The following NTNG2 variants were observed in gnomAD, a reference collection of about 807,000 sequenced individuals.
NTNG2 encodes the protein netrin-G2.
A neutral mutation model predicts 47.6 loss-of-function variants in NTNG2; 15 were observed. The observed-to-expected ratio is 0.32, with a 90% confidence interval of 0.21 to 0.49. NTNG2 has a LOEUF of 0.49. Ranked by LOEUF, NTNG2 falls within the 20% of genes least tolerant of loss-of-function variation. The pLI is 0.99. For synonymous variants in NTNG2, 307 were observed against 324.6 expected (o/e 0.95, Z 0.58); for missense variants, 578 against 764.6 (o/e 0.76, Z 2.88).
Position 132,163,770 on chromosome 9 carries a change from G to T in NTNG2, c.-484+1531G>T, listed in dbSNP as rs2131244751. ...CTGCTGGCGAGCCCAGCCAGCTCGG[G>T]AGGCGCTAATTCAATAAGACAGAGA... On this transcript the variant is annotated intron_variant, in intron 1 of 7. Transcript: ENST00000393229. The surrounding 1 kb of genome is among the most constrained non-coding windows in gnomAD (Gnocchi z 7.2). 6.6e-6 allele frequency among the ~76,000 whole-genome samples: 1 copy of T among 152,350 alleles called. No individual in the cohort carries two copies. Among genetic ancestry groups the T allele is most frequent in the Non-Finnish European group, 1.5e-5 (1 of 68,024 alleles).
intron 2 of NTNG2, among the ~76,000 whole-genome samples, chr9:132,192,644 C>T (rs952402880): frequency 6.6e-6 from 1 of 152,072 alleles, no homozygotes; most frequent in East Asian, 1.9e-4. Context: ...GGAAGCAATA[C>T]TGTGTTTGTA....
intron 6 of NTNG2, among the ~76,000 whole-genome samples, chr9:132,239,926 C>T (rs1446318087): frequency 6.6e-6 from 1 of 152,388 alleles, no homozygotes; most frequent in East Asian, 1.9e-4. Context: ...AGTCTGCTTT[C>T]TTCCAAGTTC....
At chr9:132,187,384 G>A (rs870591) in intron 2 of NTNG2, among the ~76,000 whole-genome samples, 15,509 of 152,258 alleles carry the variant, frequency 0.1, 831 homozygotes, top group Middle Eastern at 0.15. Context: ...GCTGATTCAC[G>A]AGCGGGGAGG....
At position 132,215,136 on chromosome 9, in the gene NTNG2, T is replaced by C. The variant is rs1221045902; in HGVS notation, c.858-11713T>C. 6.6e-6 allele frequency among the ~76,000 whole-genome samples: 1 copy of C among 151,626 alleles called. No individual in the cohort carries two copies. The highest frequency in any genetic ancestry group is 2.1e-4 in the South Asian group (1 of 4,804). On this transcript the variant is annotated intron_variant, in intron 3 of 7. Transcript: ENST00000393229. This position sits in a 1 kb window ranked among gnomAD's most constrained non-coding sequence, Gnocchi z 4.2. The stretch of plus-strand genomic sequence containing the variant: ...GTCTCAAACTCCTGTTCTCAGGTAA[T>C]CCTCCTGCCTGGGCCTCCCAGAGTG...
intron 5 of NTNG2, chr9:132,233,877 A>C (rs1394798192): frequency 2.0e-5 from 3 of 152,102 alleles, no homozygotes; most frequent in African/African-American, 7.2e-5. Flanking sequence ...ATTACACCTC[A>C]ATCAAGCTGT....
rs917076215 is a variant in NTNG2 at position 132,180,723 on chromosome 9, G to T, written c.213+13679G>T. On this transcript the variant is annotated intron_variant, in intron 2 of 7. Coordinates refer to ENST00000393229, the MANE Select transcript of NTNG2 (RefSeq NM_032536.4). This position sits in a 1 kb window ranked among gnomAD's most constrained non-coding sequence, Gnocchi z 4.2. Reference sequence around the variant, plus strand: ...GAAAGAGAAAGAACGATAGAGAGATGCAATAACCTCCCAGCATCCAGGAAG... The same window carrying T: ...GAAAGAGAAAGAACGATAGAGAGATTCAATAACCTCCCAGCATCCAGGAAG... Among the ~76,000 whole-genome samples the T allele has an allele frequency of 6.6e-6, 1 of 152,246 alleles. No homozygotes were observed. Among genetic ancestry groups the T allele is most frequent in the Non-Finnish European group, 1.5e-5 (1 of 68,040 alleles).
At chr9:132,184,093 C>G (rs1017179118) in intron 2 of NTNG2, among the ~76,000 whole-genome samples, 2 of 152,234 alleles carry the variant, frequency 1.3e-5, no homozygotes, top group Non-Finnish European at 2.9e-5. Context: ...CACCCACCCC[C>G]AACGACGAGC....
At chr9:132,203,645 G>A (rs1386893839) in intron 3 of NTNG2, among the ~76,000 whole-genome samples, 1 of 152,220 alleles carries the variant, frequency 6.6e-6, no homozygotes, top group East Asian at 1.9e-4. Flanking sequence ...GGCAGCTCAC[G>A]AGCTGCCAGG....
At chr9:132,194,891 G>T (rs1298522369) in intron 2 of NTNG2, among the ~76,000 whole-genome samples, 1 of 152,244 alleles carries the variant, frequency 6.6e-6, no homozygotes, top group East Asian at 1.9e-4. Flanking sequence ...GGTGGGGGCC[G>T]CGGGGCTGTG....
chr9:132,222,958 A>C (rs947256619), intron 3 of NTNG2, among the ~76,000 whole-genome samples: 1 of 152,038 alleles, frequency 6.6e-6, no homozygotes, highest in African/African-American at 2.4e-5. Flanking sequence ...AAAAAATAAA[A>C]ATGAAATTAG....
chr9:132,217,088 C>T (rs1176667317), intron 3 of NTNG2, among the ~76,000 whole-genome samples: 1 of 152,214 alleles, frequency 6.6e-6, no homozygotes, highest in Admixed American at 6.5e-5. Flanking sequence ...GCCAAGCCTG[C>T]TTCTTCCACC....
chr9:132,239,822 T>C (rs935699818), intron 6 of NTNG2, among the ~76,000 whole-genome samples: 1 of 152,202 alleles, frequency 6.6e-6, no homozygotes, highest in African/African-American at 2.4e-5. Context: ...AGATCAAAGG[T>C]TTTCAGCTCT....
chr9:132,216,414 C>CTCTCTCTCTCTCTCTCTCTGTGTG, intron 3 of NTNG2, among the ~76,000 whole-genome samples: 1 of 110,286 alleles, frequency 9.1e-6, no homozygotes, highest in African/African-American at 4.9e-5. Context: ...CTCTCTCTCT[C>CTCTCTCTCTCTCTCTCTCTGTGTG]TGTGTGTGTG....
At chr9:132,178,548 C>G (rs1408123557) in intron 2 of NTNG2, among the ~76,000 whole-genome samples, 1 of 151,982 alleles carries the variant, frequency 6.6e-6, no homozygotes, top group African/African-American at 2.4e-5. Flanking sequence ...GAAAGGGGAC[C>G]CCAGAAGCAG....
chr9:132,164,074 C>T (rs974232451), intron 1 of NTNG2, among the ~76,000 whole-genome samples: 8 of 152,172 alleles, frequency 5.3e-5, no homozygotes, highest in African/African-American at 1.9e-4. Context: ...TCTCTTCCCC[C>T]TTCTCTTTTT....
chr9:132,240,880 G>A, intron 6 of NTNG2, 30 bp from the exon 7 acceptor site: 1 of 1,612,430 alleles, frequency 6.2e-7, no homozygotes, highest in Non-Finnish European at 8.5e-7. Context: ...ACGTAGCCCT[G>A]ACCGCGCGCC....
At chr9:132,187,308 A>C (rs956880316) in intron 2 of NTNG2, among the ~76,000 whole-genome samples, 2 of 152,230 alleles carry the variant, frequency 1.3e-5, no homozygotes, top group Admixed American at 6.5e-5. Flanking sequence ...CTCCAACCAG[A>C]AAACAAAACA....
intron 3 of NTNG2, among the ~76,000 whole-genome samples, chr9:132,202,876 T>C (rs1027727580): frequency 3.3e-4 from 50 of 152,236 alleles, no homozygotes; most frequent in Admixed American, 3.3e-3. Flanking sequence ...AGCTGCTGCA[T>C]CCATGGAGAT....
Position 132,166,634 on chromosome 9 carries a change from T to G in NTNG2, c.-198T>G, listed in dbSNP as rs1835516189. On this transcript the variant is annotated 5_prime_UTR_variant, in exon 2 of 8. Transcript: ENST00000393229. ...TCAGCAGTCTGAGAAACGCTGGCTC[T>G]GAATTTTCCGTGTCGGCCTTTTGGA... 1 of 599,642 alleles carries G rather than the reference T, an allele frequency of 1.7e-6. No homozygotes were observed. Among genetic ancestry groups the G allele is most frequent in the South Asian group, 2.0e-5 (1 of 51,122 alleles). 37.1% of individuals were successfully genotyped at this position (599,642 alleles called of 1,614,324 possible).
Sources: gnomAD v4.1 joint callset for allele counts (sites outside exome capture counted in the v4.1 genomes callset) on GRCh38, gnomAD v4.1.1 for gene constraint, Gnocchi (gnomAD v3.1) non-coding constraint, MANE v1.5 for transcripts, NCBI Gene and HGNC (gene_info 2026-07-23, HGNC 2026-07-21) for gene names.